The following STARD9 variants were observed in gnomAD, a reference collection of about 807,000 sequenced individuals.
STARD9 encodes the protein StAR related lipid transfer domain containing 9.
In STARD9, 346 loss-of-function variants were observed where a neutral mutation model predicts 399.8. The observed-to-expected ratio is 0.87, with a 90% CI of 0.79 to 0.95. STARD9 has a LOEUF of 0.95. STARD9 is among the 40% of genes least tolerant of loss of function. The pLI is 0.00. For synonymous variants in STARD9, 2,203 were observed against 2,143.5 expected (o/e 1.03, Z -0.77); for missense variants, 5,832 against 5,667.5 (o/e 1.03, Z -0.93).
chr15:42,592,525 A>G (rs993391179), intron 3 of STARD9, among the ~76,000 whole-genome samples: 12 of 151,922 alleles, frequency 7.9e-5, no homozygotes, highest in African/African-American at 2.2e-4. Flanking sequence ...GCTCACTGCA[A>G]TCTCCGCCTT....
rs758265715 is a variant in STARD9, at chr15:42,693,862, A to T, written c.12284A>T (p.Asp4095Val). Residue 4095 changes from aspartate to valine, a missense_variant, in exon 23 of 33, where the codon GAT becomes GTT. Transcript: ENST00000290607. ...LSPCPVSELT[D>V]TAGLRGSALG... ...CCCTGCCCTGTCTCTGAGTTGACTG[A>T]TACTGCAGGGCTCCGAGGTTCTGCC... The T allele has an allele frequency of 1.3e-6, 2 of 1,536,326 alleles. No individual in the cohort carries two copies. Among genetic ancestry groups the T allele is most frequent in the Admixed American group, 3.9e-5 (2 of 50,964 alleles).
In STARD9 at chr15:42,695,547, A is replaced by G. The variant is rs2060824395; in HGVS notation, c.13147-196A>G. 2.6e-5 allele frequency among the ~76,000 whole-genome samples: 4 copies of G among 152,152 alleles called. No individual in the cohort carries two copies. In the South Asian group the frequency reaches 8.3e-4, roughly 31 times the overall value. On this transcript the variant is annotated intron_variant, in intron 25 of 32. Coordinates refer to ENST00000290607, the MANE Select transcript of STARD9 (RefSeq NM_020759.3). Reference sequence around the variant, plus strand: ...AGGAAGAGGCTTTGGTGTGAGGTGCAGGGTGTGGGGAAATACGAGCAGTGG... The same window carrying G: ...AGGAAGAGGCTTTGGTGTGAGGTGCGGGGTGTGGGGAAATACGAGCAGTGG...
At chr15:42,697,413 G>A (rs2060867715) in intron 26 of STARD9, among the ~76,000 whole-genome samples, 1 of 152,098 alleles carries the variant, frequency 6.6e-6, no homozygotes, top group African/African-American at 2.4e-5. Context: ...CTTTTTAACA[G>A]CTGAATAGTG....
intron 7 of STARD9, among the ~76,000 whole-genome samples, chr15:42,641,585 A>G (rs542422171): frequency 2.5e-4 from 35 of 141,972 alleles, no homozygotes; most frequent in African/African-American, 9.7e-4. Flanking sequence ...TTCAATTCAC[A>G]GGTGGACATT....
chr15:42,694,221 G>A lies in STARD9; in HGVS notation c.12643G>A (p.Ala4215Thr), dbSNP rs1034816982. The A allele has an allele frequency of 6.5e-7, 1 of 1,535,608 alleles. No individual in the cohort carries two copies. Among genetic ancestry groups the A allele is most frequent in the African/African-American group, 1.4e-5 (1 of 73,042 alleles). ...NLSLSVELTE[A>T]KLHHGFGEAD... is the part of the protein sequence containing the mutation. ...CTCACTCAGCGTGGAACTCACAGAA[G>A]CGAAACTGCACCATGGCTTTGGGGA... Residue 4215 changes from alanine (A) to threonine (T), a missense_variant, in exon 23 of 33, where the codon GCG becomes ACG. Ala to Thr is a moderately conservative substitution (Grantham distance 58, BLOSUM62 0). Transcript: ENST00000290607.
intron 14 of STARD9, 67 bp from the exon 15 acceptor site, chr15:42,665,719 G>T (rs934412979): frequency 4.6e-6 from 6 of 1,300,094 alleles, no homozygotes; most frequent in African/African-American, 1.5e-5. Context: ...CTCCACAAGT[G>T]TAAGGGTGGG....
At chr15:42,588,188 T>C (rs933795845) in intron 3 of STARD9, among the ~76,000 whole-genome samples, 1 of 151,436 alleles carries the variant, frequency 6.6e-6, no homozygotes, top group Non-Finnish European at 1.5e-5. Context: ...AGAGGGGGTG[T>C]GTGAATGTGT....
Position 42,690,906 on chromosome 15 carries a change from G to C in STARD9, c.9328G>C (p.Glu3110Gln). Residue 3110 changes from glutamate (E) to glutamine (Q), a missense_variant, in exon 23 of 33, where the codon GAG (glutamate) becomes CAG (glutamine). This residue lies in a region of STARD9 where 5,828 missense variants were observed against 5,651.1 expected (regional missense o/e 1.03). Transcript: ENST00000290607. The part of the protein sequence containing the change: ...AASFPAGMYS[E>Q]PLRQFRDSSV... ...CTCTTTCCCTGCAGGCATGTACTCT[G>C]AGCCCCTGAGGCAGTTTAGGGACAG... 6.5e-7 allele frequency: 1 copy of C among 1,537,194 alleles called. No individual in the cohort carries two copies. The highest frequency in any genetic ancestry group is 8.7e-7 in the Non-Finnish European group (1 of 1,146,902).
intron 3 of STARD9, among the ~76,000 whole-genome samples, chr15:42,616,914 AAAAG>A (rs1380573488): frequency 6.7e-4 from 102 of 151,866 alleles, no homozygotes; most frequent in African/African-American, 2.3e-3. Context: ...AAAAAATACA[AAAAG>A]AAAGTTAGAG....
chr15:42,684,370 T>A lies in STARD9; in HGVS notation c.2792T>A (p.Ile931Asn), dbSNP rs1329334512. The A allele has an allele frequency of 6.5e-7, 1 of 1,536,992 alleles. No homozygotes were observed. The highest frequency in any genetic ancestry group is 2.4e-5 in the East Asian group (1 of 40,920). The change falls in exon 23 of 33, where the codon ATC (isoleucine) becomes AAC (asparagine). Residue 931 changes from isoleucine (I) to asparagine (N), a missense_variant. This residue lies in a region of STARD9 where 5,828 missense variants were observed against 5,651.1 expected (regional missense o/e 1.03). Transcript: ENST00000290607. ...ACCATGAGTCCCAACTCTGTTGGCA[T>A]CCAGGAAATGGAGATGGGGGTTAAG... The part of the protein sequence containing the change: ...CLTMSPNSVG[I>N]QEMEMGVKQP...
chr15:42,617,944 C>T (rs1268932886), intron 3 of STARD9, among the ~76,000 whole-genome samples: 1 of 151,734 alleles, frequency 6.6e-6, no homozygotes, highest in Non-Finnish European at 1.5e-5. Context: ...ATTTTTTGTA[C>T]ATACGGGGTC....
chr15:42,641,085 TAGTACCTGCAA>T (rs958972236), intron 7 of STARD9, among the ~76,000 whole-genome samples: 1 of 152,158 alleles, frequency 6.6e-6, no homozygotes, highest in Non-Finnish European at 1.5e-5. Flanking sequence ...TTGATTGGTA[TAGTACCTGCAA>T]CTCAGAAAAT....
intron 15 of STARD9, among the ~76,000 whole-genome samples, chr15:42,667,722 G>A (rs760315506): frequency 6.9e-6 from 1 of 145,684 alleles, no homozygotes; most frequent in Non-Finnish European, 1.5e-5. Context: ...CAGGTGATCC[G>A]CTTACCTCAG....
At chr15:42,664,463 A>C (rs2060050588) in intron 13 of STARD9, among the ~76,000 whole-genome samples, 2 of 152,176 alleles carry the variant, frequency 1.3e-5, no homozygotes, top group African/African-American at 4.8e-5. Flanking sequence ...TCCAGGGCTT[A>C]AGTGATTCTC....
chr15:42,581,451 T>C (rs1595574393), intron 1 of STARD9: 2 of 1,530,538 alleles, frequency 1.3e-6, no homozygotes, highest in Non-Finnish European at 1.8e-6. Context: ...GGCGCGGCTC[T>C]GGCTGGGCTG....
intron 3 of STARD9, among the ~76,000 whole-genome samples, chr15:42,597,167 C>G (rs1434786831): frequency 2.0e-5 from 3 of 152,092 alleles, no homozygotes; most frequent in Non-Finnish European, 4.4e-5. Context: ...GTGATCATGG[C>G]TCACTTTAGC....
chr15:42,581,613 C>G (rs949431152), intron 1 of STARD9: 7 of 674,238 alleles, frequency 1.0e-5, no homozygotes, highest in South Asian at 7.2e-5. Flanking sequence ...TCCTCTAGTT[C>G]CCTCGTCTGG....
rs748969713 is a variant in STARD9 at position 42,684,732 on chromosome 15, G to T, written c.3154G>T (p.Val1052Phe). The change falls in exon 23 of 33, where the codon GTC becomes TTC. Residue 1052 changes from valine (V) to phenylalanine (F), a missense_variant. Coordinates refer to ENST00000290607, the MANE Select transcript of STARD9 (RefSeq NM_020759.3). Reference sequence around the variant, plus strand: ...GCATCAGAGGGTTCTGGCAACTAGGGTCAGAAATATTACCAAAAAGTCCTC... The same window carrying T: ...GCATCAGAGGGTTCTGGCAACTAGGTTCAGAAATATTACCAAAAAGTCCTC... ...KRHQRVLATR[V>F]RNITKKSSHL... 95 of 1,537,066 alleles carry T rather than the reference G, an allele frequency of 6.2e-5. No homozygotes were observed. The highest frequency in any genetic ancestry group is 8.1e-5 in the Non-Finnish European group (93 of 1,146,910).
At chr15:42,612,980 T>A (rs1034473604) in intron 3 of STARD9, among the ~76,000 whole-genome samples, 1 of 119,100 alleles carries the variant, frequency 8.4e-6, no homozygotes, top group Non-Finnish European at 1.7e-5. Context: ...CGAGACTATG[T>A]CTCAGAGGGG....
Sources: allele counts gnomAD v4.1 joint callset (sites outside exome capture counted in the v4.1 genomes callset), GRCh38; gene constraint gnomAD v4.1.1; regional missense constraint gnomAD v4.1.1; transcripts MANE v1.5; gene names NCBI Gene and HGNC (gene_info 2026-07-23, HGNC 2026-07-21).